The following SNURF variants were observed in gnomAD, a reference collection of about 807,000 sequenced individuals.
SNURF encodes the protein SNRPN upstream open reading frame, also known as SNURF protein.
In SNURF, 6 loss-of-function variants were observed where a neutral mutation model predicts 11.6. The observed-to-expected ratio is 0.52, with a 90% CI of 0.28 to 1.02. SNURF has a LOEUF of 1.02. Among genes scored for constraint, SNURF ranks in the 50% least tolerant of loss-of-function variants. The pLI, the probability that SNURF is intolerant of heterozygous loss-of-function variation, is 0.09. For synonymous variants in SNURF, 29 were observed against 31.6 expected (o/e 0.92, Z 0.27); for missense variants, 84 against 88.4 (o/e 0.95, Z 0.20).
downstream of SNURF, among the ~76,000 whole-genome samples, chr15:24,970,054 A>G (rs1566969175): frequency 6.6e-6 from 1 of 152,236 alleles, no homozygotes; most frequent in African/African-American, 2.4e-5. Context: ...GGGCCAGTCA[A>G]TATAGTCATA....
At chr15:24,972,518 T>A (rs1224445456), downstream of SNURF, among the ~76,000 whole-genome samples, 3 of 151,314 alleles carry the variant, frequency 2.0e-5, no homozygotes, top group African/African-American at 4.9e-5. Flanking sequence ...GGCCACTGAA[T>A]GACAGCCAGG....
intron 3 of SNURF, chr15:24,974,241 A>G (rs2076806007): frequency 1.7e-6 from 1 of 583,418 alleles, no homozygotes; most frequent in Middle Eastern, 2.7e-4. Flanking sequence ...AGTGATTTTC[A>G]TGCAAAATTG....
chr15:24,954,999 G>T (rs781581137), exon 1 of SNURF: 1 of 1,610,668 alleles, frequency 6.2e-7, no homozygotes, highest in Non-Finnish European at 8.5e-7. Flanking sequence ...AGAGTGGAGC[G>T]GCCGCCGGAG....
intron 3 of SNURF, among the ~76,000 whole-genome samples, chr15:24,973,947 A>G (rs1192508601): frequency 6.6e-6 from 1 of 152,220 alleles, no homozygotes; most frequent in African/African-American, 2.4e-5. Context: ...TCTGAATGAA[A>G]GAGTAATTGA....
At chr15:24,958,486 G>GTT (rs71127030) in intron 1 of SNURF, among the ~76,000 whole-genome samples, 5,710 of 65,176 alleles carry the variant, frequency 0.088, 882 homozygotes, top group South Asian at 0.16. Flanking sequence ...CTGGCTCAAA[G>GTT]TTTTTTTTTT....
intron 2 of SNURF, among the ~76,000 whole-genome samples, chr15:24,962,841 GCATTAAAATTTGATGC>G (rs2075044842): frequency 2.0e-5 from 3 of 151,938 alleles, no homozygotes; most frequent in Admixed American, 6.5e-5. Flanking sequence ...AATTTTGATG[GCATTAAAATTTGATGC>G]CATTAAAATT....
At position 24,955,867 on chromosome 15, in the gene SNURF, C is replaced by T. The variant is rs146275998; in HGVS notation, c.14+805C>T. On this transcript the variant is annotated intron_variant, in intron 1 of 2. Coordinates refer to ENST00000577949, the Ensembl canonical transcript of SNURF. The stretch of plus-strand genomic sequence containing the variant: ...CATGGCATGGAGGCGGTGGGCATGG[C>T]GGCCGCGGGGCCTGTCGCTGTCCGG... Among the ~76,000 whole-genome samples the T allele has an allele frequency of 2.2e-3, 332 of 151,532 alleles. 1 individual carries two copies. Among genetic ancestry groups the T allele is most frequent in the African/African-American group, 7.5e-3 (308 of 41,264 alleles).
At chr15:24,955,205 C>G in intron 1 of SNURF, 143 bp downstream of exon 1, 1 of 1,161,280 alleles carries the variant, frequency 8.6e-7, no homozygotes, top group Non-Finnish European at 1.3e-6. Context: ...AGAACCAGAT[C>G]CGGAATGTTC....
chr15:24,977,112 T>C (rs1371088968), intron 6 of SNURF: 7 of 1,122,862 alleles, frequency 6.2e-6, no homozygotes, highest in Non-Finnish European at 7.5e-6. Flanking sequence ...CCTAAGTGTA[T>C]GTGTCATACA....
At chr15:24,970,124 C>T (rs1458574158), downstream of SNURF, among the ~76,000 whole-genome samples, 7 of 152,168 alleles carry the variant, frequency 4.6e-5, no homozygotes, top group East Asian at 3.9e-4. Context: ...TACATTACAG[C>T]GTAGACAATC....
intron 2 of SNURF, 24 bp from the exon 3 acceptor site, chr15:24,967,908 A>G: frequency 6.3e-7 from 1 of 1,580,044 alleles, no homozygotes; most frequent in African/African-American, 1.4e-5. Context: ...TTTATCATTT[A>G]TATATATTGT....
At chr15:24,976,327 G>C (rs1381461681) in exon 5 of SNURF, 1 of 1,613,602 alleles carries the variant, frequency 6.2e-7, no homozygotes, top group Non-Finnish European at 8.5e-7. Flanking sequence ...GAAGCAACCA[G>C]AGCGTGAAGA....
downstream of SNURF, among the ~76,000 whole-genome samples, chr15:24,971,341 C>A (rs2732026): frequency 0.31 from 47,832 of 151,864 alleles, 7,937 homozygotes; most frequent in East Asian, 0.52. Context: ...TAAATTTGAC[C>A]ACTCTGCAGT....
At chr15:24,961,658 G>A (rs1411697003) in intron 1 of SNURF, among the ~76,000 whole-genome samples, 6 of 152,058 alleles carry the variant, frequency 3.9e-5, no homozygotes, top group Admixed American at 3.9e-4. Flanking sequence ...TTTTAAAGTA[G>A]ATATTTTATA....
At chr15:24,971,399 C>T (rs998151139), downstream of SNURF, among the ~76,000 whole-genome samples, 5 of 152,162 alleles carry the variant, frequency 3.3e-5, no homozygotes, top group Non-Finnish European at 7.3e-5. Flanking sequence ...CATTGTATCA[C>T]ATTTAGGGAT....
chr15:24,972,107 T>TA (rs1274101260), downstream of SNURF, among the ~76,000 whole-genome samples: 1 of 151,792 alleles, frequency 6.6e-6, no homozygotes, highest in African/African-American at 2.4e-5. Context: ...AATACAAAAA[T>TA]TAGCCGGGTG....
chr15:24,974,445 A>G, intron 3 of SNURF: 1 of 1,613,724 alleles, frequency 6.2e-7, no homozygotes, highest in Non-Finnish European at 8.5e-7. Flanking sequence ...ATTTGGTGGA[A>G]CAGCAATCAT....
intron 2 of SNURF, among the ~76,000 whole-genome samples, chr15:24,967,571 G>C (rs1433501480): frequency 6.6e-6 from 1 of 151,890 alleles, no homozygotes; most frequent in Non-Finnish European, 1.5e-5. Flanking sequence ...GAACCCAGGA[G>C]GCGGAGCTTG....
downstream of SNURF, among the ~76,000 whole-genome samples, chr15:24,969,416 A>G (rs948307906): frequency 1.6e-4 from 24 of 152,274 alleles, no homozygotes; most frequent in East Asian, 4.6e-3. Context: ...GGCGTGACCT[A>G]CCGCGCCCGG....
Sources: allele counts gnomAD v4.1 joint callset (sites outside exome capture counted in the v4.1 genomes callset), GRCh38; gene constraint gnomAD v4.1.1; transcripts MANE v1.5; gene names NCBI Gene and HGNC (gene_info 2026-07-23, HGNC 2026-07-21).